The following CEP85L variants were observed in gnomAD, a reference collection of about 807,000 sequenced individuals.
The protein encoded by CEP85L is centrosomal protein 85L.
CEP85L carries 60 observed loss-of-function variants against 100.3 expected under a neutral mutation model. That is an observed-to-expected ratio of 0.60 (90% CI 0.49 to 0.74). The LOEUF is 0.74. CEP85L is among the 30% of genes least tolerant of loss of function. The pLI is 0.00. For missense variants in CEP85L, 973 were observed against 936.2 expected, an observed-to-expected ratio of 1.04 and a Z score of -0.51; for synonymous variants, 319 against 322.7, an observed-to-expected ratio of 0.99 and a Z score of 0.12.
intron 3 of CEP85L, among the ~76,000 whole-genome samples, chr6:118,557,850 C>CTGG (rs1250822937): frequency 6.6e-6 from 1 of 152,184 alleles, no homozygotes; most frequent in Non-Finnish European, 1.5e-5. Flanking sequence ...CTGCATGGAG[C>CTGG]TGGATGTGCT....
intron 1 of CEP85L, among the ~76,000 whole-genome samples, chr6:118,689,315 AC>A (rs147427223): frequency 0.028 from 4,295 of 152,304 alleles, 94 homozygotes; most frequent in African/African-American, 0.052. Context: ...GCTGCATGTA[AC>A]TTCACATACA....
intron 1 of CEP85L, among the ~76,000 whole-genome samples, chr6:118,677,160 A>G (rs1776510150): frequency 6.6e-6 from 1 of 152,142 alleles, no homozygotes; most frequent in Non-Finnish European, 1.5e-5. Context: ...TTTGGGACTC[A>G]AGTTCCTCAT....
chr6:118,580,652 T>G (rs1780521632), intron 2 of CEP85L, among the ~76,000 whole-genome samples: 1 of 152,196 alleles, frequency 6.6e-6, no homozygotes, highest in African/African-American at 2.4e-5. Flanking sequence ...TGGGAAAAGT[T>G]CTGAGGCAAC....
intron 8 of CEP85L, among the ~76,000 whole-genome samples, chr6:118,481,029 G>A (rs1468687718): frequency 6.6e-6 from 1 of 151,028 alleles, no homozygotes; most frequent in Non-Finnish European, 1.5e-5. Context: ...TTTATTTTAG[G>A]TTTGGGGGTA....
At chr6:118,490,891 G>C (rs896328306) in intron 6 of CEP85L, among the ~76,000 whole-genome samples, 2 of 152,044 alleles carry the variant, frequency 1.3e-5, no homozygotes, top group South Asian at 4.2e-4. Context: ...TAATCAAAAA[G>C]CACACACACA....
chr6:118,491,196 T>TACACACACACACAC (rs1160030823), intron 6 of CEP85L, among the ~76,000 whole-genome samples: 51 of 116,420 alleles, frequency 4.4e-4, no homozygotes, highest in East Asian at 9.4e-4. Context: ...CCAACATCTA[T>TACACACACACACAC]ACACACACAC....
intron 2 of CEP85L, among the ~76,000 whole-genome samples, chr6:118,584,321 G>A (rs1293875025): frequency 2.0e-5 from 3 of 152,188 alleles, no homozygotes; most frequent in Non-Finnish European, 4.4e-5. Context: ...GGGAAGGAGG[G>A]AGTTGAGAAT....
At position 118,489,804 on chromosome 6, in the gene CEP85L, TGAAATCA is replaced by T. The variant is rs571784944; in HGVS notation, c.1437+1875_1437+1881del. 2.2e-4 allele frequency among the ~76,000 whole-genome samples: 33 copies of T among 152,260 alleles called. No individual in the cohort carries two copies. The South Asian group carries it at 6.4e-3, about 30-fold the overall frequency. On this transcript the variant is annotated intron_variant, in intron 6 of 12. Transcript: ENST00000368491. ...CTTCTGGATATTTATCCAAAAGAAT[TGAAATCA>T]GGATCTCTGAGCAACATTTGTACTC...
intron 1 of CEP85L, among the ~76,000 whole-genome samples, chr6:118,700,994 G>A (rs1348387996): frequency 6.6e-6 from 1 of 152,180 alleles, no homozygotes; most frequent in Non-Finnish European, 1.5e-5. Context: ...CCTCTTGGTT[G>A]TTAGGGTGGC....
chr6:118,560,650 T>A (rs1438178144), intron 3 of CEP85L: 2 of 166,984 alleles, frequency 1.2e-5, no homozygotes, highest in Non-Finnish European at 2.9e-5. Flanking sequence ...ATGGTAAGCA[T>A]CTATTTTGCA....
Position 118,632,564 on chromosome 6 carries a change from GC to G in CEP85L, c.120del (p.Trp40CysfsTer20), listed in dbSNP as rs1562325560. On this transcript the variant is annotated frameshift_variant, in exon 2 of 13. Transcript: ENST00000368491. LOFTEE classifies it high-confidence loss of function. ...SAWLPANESL[W>X]QATTVPSNHR... Reference sequence around the variant, plus strand: ...TGGTTAGATGGAACAGTTGTGGCCTGCCACAATGATTCATTAGCAGGTAGCC... The same window carrying G: ...TGGTTAGATGGAACAGTTGTGGCCTGCACAATGATTCATTAGCAGGTAGCC... 1 of 1,612,388 alleles carries G rather than the reference GC, an allele frequency of 6.2e-7. No homozygotes were observed. The highest frequency in any genetic ancestry group is 1.1e-5 in the South Asian group (1 of 90,518).
chr6:118,652,764 A>T, upstream of CEP85L: 1 of 1,534,996 alleles, frequency 6.5e-7, no homozygotes, highest in South Asian at 1.2e-5. Flanking sequence ...TAGACTTCCA[A>T]TTATTTCTCC....
chr6:118,523,866 T>TA lies in CEP85L; in HGVS notation c.1074dup (p.Lys359Ter). The TA allele has an allele frequency of 6.2e-7, 1 of 1,610,146 alleles. No individual in the cohort carries two copies. Among genetic ancestry groups the TA allele is most frequent in the Non-Finnish European group, 8.5e-7 (1 of 1,177,110 alleles). ...TTTATTTTCAACATTGATTCCCACT[T>TA]ACTGAAATCCTGATAGCCAGGTGAA... On this transcript the variant is annotated frameshift_variant, in exon 4 of 13. Coordinates refer to ENST00000368491, the MANE Select transcript of CEP85L (RefSeq NM_001042475.3). LOFTEE classifies it high-confidence loss of function.
rs762184975 is a variant in CEP85L, at chr6:118,469,056, G to C, written c.2254+16C>G. 1.3e-6 allele frequency: 2 copies of C among 1,561,164 alleles called. No individual in the cohort carries two copies. The highest frequency in any genetic ancestry group is 8.8e-7 in the Non-Finnish European group (1 of 1,132,802). ...TCTAATTGCCACAAAATAAGGACAA[G>C]TCATCAGACACTTACATCTTATTCC... On this transcript the variant is annotated intron_variant, in intron 12 of 12. Coordinates refer to ENST00000368491, the MANE Select transcript of CEP85L (RefSeq NM_001042475.3).
At chr6:118,625,019 C>T (rs1330993098) in intron 2 of CEP85L, among the ~76,000 whole-genome samples, 1 of 152,264 alleles carries the variant, frequency 6.6e-6, no homozygotes, top group Non-Finnish European at 1.5e-5. Context: ...TTTCCAACCA[C>T]ATGTCCCAGT....
intron 10 of CEP85L, among the ~76,000 whole-genome samples, chr6:118,477,830 G>C (rs545203329): frequency 6.6e-6 from 1 of 152,212 alleles, no homozygotes; most frequent in South Asian, 2.1e-4. Context: ...TAATACTATA[G>C]TGATAGTCAA....
At chr6:118,648,437 G>A (rs1291574187) in intron 1 of CEP85L, among the ~76,000 whole-genome samples, 2 of 151,378 alleles carry the variant, frequency 1.3e-5, no homozygotes, top group Non-Finnish European at 2.9e-5. Context: ...AATTTCTTCT[G>A]ATTTTTAGAA....
At chr6:118,701,886 G>C (rs772315629) in intron 1 of CEP85L, among the ~76,000 whole-genome samples, 1 of 152,158 alleles carries the variant, frequency 6.6e-6, no homozygotes, top group Non-Finnish European at 1.5e-5. Flanking sequence ...CATAAGGATA[G>C]GTCAAATGCC....
chr6:118,648,976 T>C (rs1397552910), intron 1 of CEP85L, among the ~76,000 whole-genome samples: 1 of 152,046 alleles, frequency 6.6e-6, no homozygotes, highest in Non-Finnish European at 1.5e-5. Context: ...TCAAAAGATA[T>C]ACTGAACAAT....
Sources: gnomAD v4.1 joint callset for allele counts (sites outside exome capture counted in the v4.1 genomes callset) on GRCh38, gnomAD v4.1.1 for gene constraint, MANE v1.5 for transcripts, NCBI Gene and HGNC (gene_info 2026-07-23, HGNC 2026-07-21) for gene names.